WWOX: variants seen among roughly 807,000 people sequenced by gnomAD.
The protein encoded by WWOX is WW domain containing oxidoreductase.
WWOX carries 69 observed loss-of-function variants against 46.2 expected under a neutral mutation model. The ratio of observed to expected loss-of-function variants is 1.49; its 90% CI spans 1.23 to 1.82. WWOX has a LOEUF of 1.82. Among genes scored for constraint, WWOX ranks in the 40% most tolerant of loss-of-function variants. The probability of loss-of-function intolerance (pLI) is 0.00; values close to 1 mark genes in which losing one functional copy is unlikely to be tolerated. For missense variants in WWOX, 919 were observed against 542.6 expected (o/e 1.69, Z -6.89); for synonymous variants, 359 against 202.6 (o/e 1.77, Z -6.56).
intron 5 of WWOX, among the ~76,000 whole-genome samples, chr16:78,314,082 TTAAAA>T (rs1339225330): frequency 2.6e-5 from 4 of 151,934 alleles, no homozygotes; most frequent in Non-Finnish European, 5.9e-5. Context: ...ATGGTGAGAA[TTAAAA>T]TAAAAAACAC....
chr16:78,329,444 G>A (rs2080707411), intron 5 of WWOX, among the ~76,000 whole-genome samples: 1 of 152,204 alleles, frequency 6.6e-6, no homozygotes, highest in Non-Finnish European at 1.5e-5. Flanking sequence ...CCTGTCGCCA[G>A]TAGCCTGGAA....
intron 5 of WWOX, among the ~76,000 whole-genome samples, chr16:78,271,551 G>C (rs1028978431): frequency 1.6e-4 from 25 of 152,216 alleles, no homozygotes; most frequent in African/African-American, 5.1e-4. Flanking sequence ...AGCCTATGTA[G>C]TAATTCAAGT....
chr16:78,840,908 G>A (rs991916088), intron 8 of WWOX, among the ~76,000 whole-genome samples: 2 of 152,032 alleles, frequency 1.3e-5, no homozygotes, highest in African/African-American at 4.8e-5. Flanking sequence ...ACATCTAGAC[G>A]TAGTTCTCAA....
chr16:79,166,019 T>C (rs1156934101), intron 8 of WWOX, among the ~76,000 whole-genome samples: 1 of 152,232 alleles, frequency 6.6e-6, no homozygotes, highest in African/African-American at 2.4e-5. Flanking sequence ...TTCATAACTA[T>C]CTGCATTTCA....
intron 8 of WWOX, among the ~76,000 whole-genome samples, chr16:78,761,517 T>C (rs1028584551): frequency 3.9e-5 from 6 of 152,192 alleles, no homozygotes; most frequent in African/African-American, 1.4e-4. Flanking sequence ...CTTTTCTTTC[T>C]CTGCTCATCT....
At chr16:79,192,611 C>G (rs1567608847) in intron 8 of WWOX, among the ~76,000 whole-genome samples, 2 of 152,182 alleles carry the variant, frequency 1.3e-5, no homozygotes, top group East Asian at 1.9e-4. Context: ...TTCAGAAGCA[C>G]CCCTAAAACT....
At chr16:78,501,306 T>A (rs12931826) in intron 8 of WWOX, among the ~76,000 whole-genome samples, 68,834 of 151,072 alleles carry the variant, frequency 0.46, 19,237 homozygotes, top group Non-Finnish European at 0.62. Context: ...TTTGTTTGTG[T>A]AAATGTTTTG....
At chr16:78,671,072 A>T (rs1476700607) in intron 8 of WWOX, among the ~76,000 whole-genome samples, 1 of 152,166 alleles carries the variant, frequency 6.6e-6, no homozygotes, top group Non-Finnish European at 1.5e-5. Context: ...CCCAGAAGGG[A>T]CTCAGCCTGC....
At chr16:79,013,827 C>G (rs944039853) in intron 8 of WWOX, among the ~76,000 whole-genome samples, 48 of 152,104 alleles carry the variant, frequency 3.2e-4, no homozygotes, top group Admixed American at 6.6e-5. Flanking sequence ...GGTTGGGGTC[C>G]TCTTTATTCT....
chr16:79,111,119 A>C (rs914322348), intron 8 of WWOX, among the ~76,000 whole-genome samples: 1 of 152,176 alleles, frequency 6.6e-6, no homozygotes, highest in South Asian at 2.1e-4. Flanking sequence ...CCAAGACTCA[A>C]TGGCAGGGAA....
At chr16:78,898,012 G>A (rs2044741676) in intron 8 of WWOX, 2 of 112,592 alleles carry the variant, frequency 1.8e-5, no homozygotes, top group African/African-American at 9.9e-5. Flanking sequence ...AAATTAGATA[G>A]TCTTTTTAAT....
rs1597331404 is a variant in WWOX, at chr16:79,055,662, C to T, written c.1057-155946C>T. Among the ~76,000 whole-genome samples the T allele has an allele frequency of 4.6e-5, 7 of 152,286 alleles. No individual in the cohort carries two copies. The South Asian group carries it at 1.4e-3, about 32-fold the overall frequency. On this transcript the variant is annotated intron_variant, in intron 8 of 8. Transcript: ENST00000566780. ...TAAAGGTGTATGTTTGGGGTTGTTT[C>T]CTACAGAGCAATGAATAACCAGAGC...
intron 5 of WWOX, among the ~76,000 whole-genome samples, chr16:78,278,985 T>C (rs924227764): frequency 6.6e-6 from 1 of 152,206 alleles, no homozygotes; most frequent in Non-Finnish European, 1.5e-5. Flanking sequence ...TCTATTGTAT[T>C]ATCTGAGGGA....
chr16:79,078,907 A>G (rs2048709379), intron 8 of WWOX, among the ~76,000 whole-genome samples: 1 of 152,106 alleles, frequency 6.6e-6, no homozygotes, highest in Non-Finnish European at 1.5e-5. Context: ...TACTTCCTTT[A>G]TTTCCCTGTT....
In WWOX at chr16:78,962,280, G is replaced by C. The variant is rs2046284736; in HGVS notation, c.1057-249328G>C. ...GCTGAATTCTGTGCCAGAAGGAAGA[G>C]ATTTGGAGTCAGCAAGGCATCCTTT... On this transcript the variant is annotated intron_variant, in intron 8 of 8. Transcript: ENST00000566780. Among the ~76,000 whole-genome samples, 7 of 132,492 alleles carry C rather than the reference G, an allele frequency of 5.3e-5. No individual in the cohort carries two copies. The South Asian group carries it at 1.9e-3, about 36-fold the overall frequency. 86.9% of individuals were successfully genotyped at this position (132,492 alleles called of 152,430 possible). A position where few individuals can be genotyped will look rare whatever the true frequency, so the allele number is the denominator to read the frequency against.
At chr16:79,009,179 G>T (rs1290114808) in intron 8 of WWOX, among the ~76,000 whole-genome samples, 1 of 152,234 alleles carries the variant, frequency 6.6e-6, no homozygotes, top group African/African-American at 2.4e-5. Context: ...GGTGAGTGAT[G>T]TGGAACTGTT....
chr16:78,515,941 C>G (rs1206621822), intron 8 of WWOX, among the ~76,000 whole-genome samples: 1 of 152,100 alleles, frequency 6.6e-6, no homozygotes. Context: ...TTTCATTTGT[C>G]TCTCAGTCAA....
At chr16:78,933,941 C>A (rs553142194) in intron 8 of WWOX, among the ~76,000 whole-genome samples, 3 of 152,122 alleles carry the variant, frequency 2.0e-5, no homozygotes, top group African/African-American at 7.2e-5. Flanking sequence ...CCTGTAATCC[C>A]AGTGCTTTGG....
intron 8 of WWOX, among the ~76,000 whole-genome samples, chr16:78,870,337 C>A (rs1208422273): frequency 6.6e-6 from 1 of 152,018 alleles, no homozygotes; most frequent in Non-Finnish European, 1.5e-5. Context: ...ATAAGTTTTT[C>A]AAACTTTAGA....
Sources: gnomAD v4.1 joint callset for allele counts (sites outside exome capture counted in the v4.1 genomes callset) on GRCh38, gnomAD v4.1.1 for gene constraint, MANE v1.5 for transcripts, NCBI Gene and HGNC (gene_info 2026-07-23, HGNC 2026-07-21) for gene names.